The following NT5DC1 variants were observed in gnomAD, a reference collection of about 807,000 sequenced individuals.
NT5DC1 encodes 5'-nucleotidase domain-containing protein 1.
NT5DC1 carries 42 observed loss-of-function variants against 59.4 expected under a neutral mutation model. The observed-to-expected ratio is 0.71, with a 90% CI of 0.55 to 0.92. The LOEUF (loss-of-function observed/expected upper bound fraction) is 0.92, where lower values mean the gene tolerates loss of function less well. Among genes scored for constraint, NT5DC1 ranks in the 40% least tolerant of loss-of-function variants. The probability of loss-of-function intolerance (pLI) is 0.00; values close to 1 mark genes in which losing one functional copy is unlikely to be tolerated. For synonymous variants in NT5DC1, 172 were observed against 188.1 expected, an observed-to-expected ratio of 0.91 and a Z score of 0.70; for missense variants, 501 against 537.1, an observed-to-expected ratio of 0.93 and a Z score of 0.66.
intron 5 of NT5DC1, among the ~76,000 whole-genome samples, chr6:116,117,262 A>G (rs958484655): frequency 1.3e-5 from 2 of 152,126 alleles, no homozygotes; most frequent in Non-Finnish European, 2.9e-5. Context: ...GGAAATTTTT[A>G]TTTTATTTGG....
At chr6:116,111,582 TC>T (rs1778876710) in intron 4 of NT5DC1, among the ~76,000 whole-genome samples, 1 of 152,240 alleles carries the variant, frequency 6.6e-6, no homozygotes, top group Non-Finnish European at 1.5e-5. Flanking sequence ...TTTTATTTGT[TC>T]CAATTTTTTT....
intron 8 of NT5DC1, among the ~76,000 whole-genome samples, chr6:116,226,070 G>T (rs1442877642): frequency 6.6e-6 from 1 of 152,060 alleles, no homozygotes; most frequent in Non-Finnish European, 1.5e-5. Context: ...AAAGAAATAG[G>T]TTGATGTTGT....
intron 6 of NT5DC1, among the ~76,000 whole-genome samples, chr6:116,130,082 A>G (rs1005762115): frequency 1.3e-5 from 2 of 152,186 alleles, no homozygotes; most frequent in African/African-American, 4.8e-5. Flanking sequence ...ATTATAGGTT[A>G]TAAAATGATG....
chr6:116,176,849 G>A (rs1780745427), intron 6 of NT5DC1, among the ~76,000 whole-genome samples: 1 of 152,142 alleles, frequency 6.6e-6, no homozygotes, highest in African/African-American at 2.4e-5. Context: ...CCTCTTGCCT[G>A]GCTGACTGTC....
Position 116,221,097 on chromosome 6 carries a change from C to A in NT5DC1, c.573C>A (p.Gly191=), listed in dbSNP as rs770956549. The A allele has an allele frequency of 1.3e-6, 2 of 1,559,368 alleles. No homozygotes were observed. Among genetic ancestry groups the A allele is most frequent in the East Asian group, 2.2e-5 (1 of 44,590 alleles). Reference sequence around the variant, plus strand: ...TTCCAGAAATAAAAAGAGATCCAGGCAGATATTTACATAGTTGTCCTGAAT... The same window carrying A: ...TTCCAGAAATAAAAAGAGATCCAGGAAGATATTTACATAGTTGTCCTGAAT... ...IYFPEIKRDP[G]RYLHSCPESV... Residue 191 remains glycine (G), a synonymous_variant, in exon 7 of 12, where the codon GGC becomes GGA. Coordinates refer to ENST00000319550, the MANE Select transcript of NT5DC1 (RefSeq NM_152729.3).
At chr6:116,134,793 A>G (rs1779548810) in intron 6 of NT5DC1, among the ~76,000 whole-genome samples, 1 of 152,130 alleles carries the variant, frequency 6.6e-6, no homozygotes, top group South Asian at 2.1e-4. Flanking sequence ...CTGGCTGGCT[A>G]ATAAGTTAGA....
chr6:116,155,752 T>TA (rs58270869), intron 6 of NT5DC1, among the ~76,000 whole-genome samples: 2,909 of 114,552 alleles, frequency 0.025, 37 homozygotes, highest in Middle Eastern at 0.035. Context: ...TACTTCTCCT[T>TA]AAAAAAAAAA....
chr6:116,128,579 C>T (rs560904636), intron 6 of NT5DC1, among the ~76,000 whole-genome samples: 1 of 152,210 alleles, frequency 6.6e-6, no homozygotes, highest in South Asian at 2.1e-4. Context: ...ATCTGTGGAT[C>T]GTTAATTAAT....
chr6:116,239,193 C>A, intron 11 of NT5DC1, 70 bp downstream of exon 11: 1 of 1,166,548 alleles, frequency 8.6e-7, no homozygotes, highest in Non-Finnish European at 1.2e-6. Context: ...GAATTCTTGT[C>A]TTTAAGAAAA....
chr6:116,128,929 C>T (rs1418266590), intron 6 of NT5DC1, among the ~76,000 whole-genome samples: 9 of 152,106 alleles, frequency 5.9e-5, no homozygotes, highest in Non-Finnish European at 1.2e-4. Flanking sequence ...AACTTTTTTA[C>T]AGAAAACTTG....
chr6:116,161,247 C>A (rs1429801474), intron 6 of NT5DC1, among the ~76,000 whole-genome samples: 1 of 150,150 alleles, frequency 6.7e-6, no homozygotes, highest in Non-Finnish European at 1.5e-5. Flanking sequence ...TGCTAGATGA[C>A]GAGTTAGTGG....
intron 6 of NT5DC1, chr6:116,137,065 A>C (rs1779625892): frequency 4.8e-6 from 1 of 208,414 alleles, no homozygotes; most frequent in Non-Finnish European, 1.1e-5. Context: ...ATTTTAAGTC[A>C]CCGTCTCTTC....
intron 6 of NT5DC1, among the ~76,000 whole-genome samples, chr6:116,151,214 T>C (rs1384128458): frequency 6.6e-6 from 1 of 152,150 alleles, no homozygotes; most frequent in Non-Finnish European, 1.5e-5. Flanking sequence ...ACTTATAAAA[T>C]CCCATCTTCC....
In NT5DC1 at chr6:116,216,737, A is replaced by G. The variant is rs972041939; in HGVS notation, c.530-4317A>G. 6.6e-5 allele frequency among the ~76,000 whole-genome samples: 10 copies of G among 152,082 alleles called. No homozygotes were observed. The South Asian group carries it at 1.7e-3, about 25-fold the overall frequency. ...ATTTTAATTTTATTTTTTGCCACCT[A>G]TAAATAAACAAAATAAATTTATCTC... On this transcript the variant is annotated intron_variant, in intron 6 of 11. Transcript: ENST00000319550.
Position 116,247,412 on chromosome 6 carries a change from T to TTTC in NT5DC1, c.*3392_*3394dup, listed in dbSNP as rs1771871823. 1 of 152,192 alleles carries TTTC rather than the reference T, an allele frequency of 6.6e-6. No individual in the cohort carries two copies. 9.4% of individuals were successfully genotyped at this position (152,192 alleles called of 1,614,324 possible). On this transcript the variant is annotated 3_prime_UTR_variant, in exon 12 of 12. Coordinates refer to ENST00000319550, the MANE Select transcript of NT5DC1 (RefSeq NM_152729.3). ...AGGTCATCAGTAAGCAGGCCTACTCTTTCTTCATATTCTGGGTTAATGTTC... is the reference window on the plus strand; with the variant it reads ...AGGTCATCAGTAAGCAGGCCTACTCTTTCTTCTTCATATTCTGGGTTAATGTTC...
intron 6 of NT5DC1, among the ~76,000 whole-genome samples, chr6:116,176,817 A>G (rs1780744795): frequency 6.6e-6 from 1 of 152,186 alleles, no homozygotes; most frequent in South Asian, 2.1e-4. Flanking sequence ...CTAGAGGGAC[A>G]GATACATCCC....
At chr6:116,139,427 C>T (rs1290341022) in intron 6 of NT5DC1, among the ~76,000 whole-genome samples, 1 of 152,042 alleles carries the variant, frequency 6.6e-6, no homozygotes. Context: ...TTGAAATCCA[C>T]CTATTTGTAT....
chr6:116,172,088 T>C (rs1780621650), intron 6 of NT5DC1, among the ~76,000 whole-genome samples: 1 of 152,210 alleles, frequency 6.6e-6, no homozygotes, highest in Non-Finnish European at 1.5e-5. Flanking sequence ...GTTTTTTCCA[T>C]CTGTAAGTCA....
intron 6 of NT5DC1, among the ~76,000 whole-genome samples, chr6:116,182,222 AGTGTGTGTGT>A (rs35883565): frequency 1.5e-4 from 19 of 124,688 alleles, no homozygotes; most frequent in African/African-American, 4.4e-4. Flanking sequence ...TTCCATGGAG[AGTGTGTGTGT>A]GTGTGTGTGT....
Sources: allele counts gnomAD v4.1 joint callset (sites outside exome capture counted in the v4.1 genomes callset), GRCh38; gene constraint gnomAD v4.1.1; transcripts MANE v1.5; gene names NCBI Gene and HGNC (gene_info 2026-07-23, HGNC 2026-07-21).